GPC5: variants seen among roughly 807,000 people sequenced by gnomAD.
The protein encoded by GPC5 is glypican-5.
Under a neutral mutation model 53.9 loss-of-function variants are expected in GPC5, and 47 were observed. That is an observed-to-expected ratio of 0.87 (90% CI 0.69 to 1.11). The LOEUF is 1.11. GPC5 is among the 50% of genes most tolerant of loss of function. The pLI is 0.00. For synonymous variants in GPC5, 286 were observed against 263.3 expected, an observed-to-expected ratio of 1.09 and a Z score of -0.84; for missense variants, 748 against 713.1, an observed-to-expected ratio of 1.05 and a Z score of -0.56.
At chr13:91,825,803 A>C (rs2038567320) in intron 5 of GPC5, among the ~76,000 whole-genome samples, 1 of 152,106 alleles carries the variant, frequency 6.6e-6, no homozygotes, top group Non-Finnish European at 1.5e-5. Flanking sequence ...ACAGTCATGA[A>C]AATGAAAGAG....
intron 6 of GPC5, among the ~76,000 whole-genome samples, chr13:92,002,973 G>C (rs2040569184): frequency 6.6e-6 from 1 of 152,070 alleles, no homozygotes; most frequent in Non-Finnish European, 1.5e-5. Context: ...GGAAGAGTAG[G>C]AAACCCTGAG....
At chr13:92,006,113 C>T (rs1349649375) in intron 6 of GPC5, among the ~76,000 whole-genome samples, 1 of 152,112 alleles carries the variant, frequency 6.6e-6, no homozygotes, top group African/African-American at 2.4e-5. Context: ...TCTTACACCA[C>T]TGAGTTTGTA....
chr13:92,409,492 A>G (rs1183451531), intron 7 of GPC5, among the ~76,000 whole-genome samples: 1 of 152,188 alleles, frequency 6.6e-6, no homozygotes, highest in Non-Finnish European at 1.5e-5. Flanking sequence ...TTCAATATGA[A>G]CTAATGTATC....
At chr13:91,915,501 G>A (rs2039649581) in intron 6 of GPC5, among the ~76,000 whole-genome samples, 1 of 151,840 alleles carries the variant, frequency 6.6e-6, no homozygotes, top group Non-Finnish European at 1.5e-5. Context: ...GTTTTGTGTT[G>A]GATAAAAATT....
chr13:91,809,795 T>C (rs558257069), intron 5 of GPC5, among the ~76,000 whole-genome samples: 2 of 152,144 alleles, frequency 1.3e-5, no homozygotes, highest in South Asian at 2.1e-4. Context: ...TAAATATATA[T>C]GTGAAAAATT....
At chr13:91,414,881 T>A (rs73612188) in intron 1 of GPC5, among the ~76,000 whole-genome samples, 10,645 of 152,264 alleles carry the variant, frequency 0.07, 411 homozygotes, top group African/African-American at 0.097. Flanking sequence ...AGAAAAGCTG[T>A]GCAAGTCATA....
intron 7 of GPC5, among the ~76,000 whole-genome samples, chr13:92,452,825 T>C (rs1274714201): frequency 6.6e-6 from 1 of 152,158 alleles, no homozygotes; most frequent in Non-Finnish European, 1.5e-5. Context: ...TGCCTCGGCC[T>C]CCCAAAGTGC....
At chr13:92,185,579 G>T (rs1408295421) in intron 7 of GPC5, among the ~76,000 whole-genome samples, 1 of 151,668 alleles carries the variant, frequency 6.6e-6, no homozygotes, top group Non-Finnish European at 1.5e-5. Flanking sequence ...ACAGAGCTGA[G>T]GCTCTCCAGA....
chr13:91,964,085 C>T (rs1475322733), intron 6 of GPC5, among the ~76,000 whole-genome samples: 1 of 152,120 alleles, frequency 6.6e-6, no homozygotes, highest in Non-Finnish European at 1.5e-5. Context: ...ATGGTGTGTC[C>T]AGAGTTTTTT....
chr13:92,541,170 G>A (rs1260102543), intron 7 of GPC5, among the ~76,000 whole-genome samples: 1 of 151,744 alleles, frequency 6.6e-6, no homozygotes, highest in African/African-American at 2.4e-5. Flanking sequence ...AAATCTTTTA[G>A]TAACCACAAG....
At chr13:92,109,239 ATT>A (rs899321497) in intron 6 of GPC5, among the ~76,000 whole-genome samples, 10 of 150,342 alleles carry the variant, frequency 6.7e-5, no homozygotes. Flanking sequence ...GTTCCTTTTT[ATT>A]TTTTTTGTGC....
At chr13:92,669,808 C>A (rs576933564) in intron 7 of GPC5, among the ~76,000 whole-genome samples, 1 of 152,254 alleles carries the variant, frequency 6.6e-6, no homozygotes, top group East Asian at 1.9e-4. Context: ...CACAAGGCAC[C>A]TACTCAGGAG....
At chr13:92,788,339 A>G (rs1440665161) in intron 7 of GPC5, among the ~76,000 whole-genome samples, 1 of 152,168 alleles carries the variant, frequency 6.6e-6, no homozygotes, top group Non-Finnish European at 1.5e-5. Context: ...ACAAATGTAG[A>G]GTGTATATAT....
chr13:91,812,155 C>T (rs1291601768), intron 5 of GPC5, among the ~76,000 whole-genome samples: 1 of 152,118 alleles, frequency 6.6e-6, no homozygotes, highest in African/African-American at 2.4e-5. Context: ...TTTATGAATG[C>T]ATTAACTAAG....
At chr13:91,697,230 C>T (rs1358990852) in intron 3 of GPC5, among the ~76,000 whole-genome samples, 1 of 152,094 alleles carries the variant, frequency 6.6e-6, no homozygotes, top group Non-Finnish European at 1.5e-5. Flanking sequence ...GCAACCTCTA[C>T]CTCCCGGGTT....
intron 2 of GPC5, among the ~76,000 whole-genome samples, chr13:91,480,028 C>G (rs531371795): frequency 6.6e-6 from 1 of 152,156 alleles, no homozygotes; most frequent in Non-Finnish European, 1.5e-5. Context: ...ACACTGCACC[C>G]CTACTACATT....
chr13:91,613,390 T>C lies in GPC5; in HGVS notation c.326-79797T>C, dbSNP rs2033612531. On this transcript the variant is annotated intron_variant, in intron 2 of 7. Transcript: ENST00000377067. The stretch of plus-strand genomic sequence containing the variant: ...TAAGACTTATTCACTATCGCAAGAA[T>C]AGTATGGGGGAATCTGACCCCATAG... Among the ~76,000 whole-genome samples, 3 of 152,076 alleles carry C rather than the reference T, an allele frequency of 2.0e-5. No homozygotes were observed. The South Asian group carries it at 6.2e-4, about 31-fold the overall frequency.
chr13:92,163,860 T>C (rs2042008533), intron 7 of GPC5, among the ~76,000 whole-genome samples: 1 of 152,020 alleles, frequency 6.6e-6, no homozygotes, highest in Admixed American at 6.6e-5. Context: ...AGAAAAGAGG[T>C]TTAATTGACT....
chr13:91,643,458 C>A (rs1484383146), intron 2 of GPC5, among the ~76,000 whole-genome samples: 1 of 152,008 alleles, frequency 6.6e-6, no homozygotes, highest in Non-Finnish European at 1.5e-5. Flanking sequence ...AGACTTTGGG[C>A]CCTTTGTATG....
Sources: allele counts gnomAD v4.1 joint callset (sites outside exome capture counted in the v4.1 genomes callset), GRCh38; gene constraint gnomAD v4.1.1; transcripts MANE v1.5; gene names NCBI Gene and HGNC (gene_info 2026-07-23, HGNC 2026-07-21).